TTC28: variants seen among roughly 807,000 people sequenced by gnomAD.
The protein encoded by TTC28 is tetratricopeptide repeat domain 28.
A neutral mutation model predicts 198.0 loss-of-function variants in TTC28; 61 were observed. The observed-to-expected ratio is 0.31, with a 90% CI of 0.25 to 0.38. The LOEUF is 0.38. TTC28 is among the 10% of genes least tolerant of loss of function. The probability of loss-of-function intolerance (pLI) is 1.00; values close to 1 mark genes in which losing one functional copy is unlikely to be tolerated. For missense variants in TTC28, 2,678 were observed against 3,164.0 expected (o/e 0.85, Z 3.69); for synonymous variants, 1,171 against 1,297.8 (o/e 0.90, Z 2.10).
chr22:28,144,080 T>A (rs1437287319), intron 6 of TTC28, among the ~76,000 whole-genome samples: 1 of 152,250 alleles, frequency 6.6e-6, no homozygotes, highest in African/African-American at 2.4e-5. Context: ...CACTATTTCC[T>A]GAGCCTGTAC....
intron 2 of TTC28, among the ~76,000 whole-genome samples, chr22:28,607,221 T>C (rs1987888761): frequency 1.3e-5 from 2 of 152,204 alleles, no homozygotes; most frequent in Non-Finnish European, 2.9e-5. Flanking sequence ...TAACTATTTA[T>C]TTGGGTTTTC....
intron 2 of TTC28, among the ~76,000 whole-genome samples, chr22:28,409,590 CAT>C (rs944650709): frequency 5.4e-5 from 8 of 149,342 alleles, no homozygotes; most frequent in East Asian, 1.9e-4. Context: ...ATATAAAAAA[CAT>C]ATATGGAAAC....
intron 2 of TTC28, among the ~76,000 whole-genome samples, chr22:28,595,594 A>C (rs1269821064): frequency 6.6e-6 from 1 of 152,208 alleles, no homozygotes; most frequent in Admixed American, 6.5e-5. Context: ...TGAATCATTC[A>C]GTCATTTGTT....
At chr22:28,607,532 G>A (rs1391212278) in intron 2 of TTC28, among the ~76,000 whole-genome samples, 1 of 151,872 alleles carries the variant, frequency 6.6e-6, no homozygotes, top group African/African-American at 2.4e-5. Context: ...AATTACATAA[G>A]ACAATTTTAT....
intron 12 of TTC28, among the ~76,000 whole-genome samples, chr22:28,088,995 A>G (rs1197529354): frequency 2.0e-5 from 3 of 152,200 alleles, no homozygotes; most frequent in African/African-American, 4.8e-5. Context: ...AATGGCAATC[A>G]TTAAAAAGTC....
chr22:28,157,894 T>C (rs1943784668), intron 6 of TTC28, among the ~76,000 whole-genome samples: 1 of 152,150 alleles, frequency 6.6e-6, no homozygotes, highest in Non-Finnish European at 1.5e-5. Context: ...TTATTCAACA[T>C]AGTACTGGAG....
chr22:27,990,074 C>T lies in TTC28; in HGVS notation c.5578-67G>A, dbSNP rs769117830. 506 of 1,509,240 alleles carry T rather than the reference C, an allele frequency of 3.4e-4. 4 individuals are homozygous for T. The highest frequency in any genetic ancestry group is 1.6e-3 in the South Asian group (125 of 79,800). The allele number at this position is 1,509,240 out of a possible 1,614,324, so 93.5% of individuals were successfully genotyped here. ...CCCTCCAGCCCACCTCAAGACTCGA[C>T]CCATTATTCTTATGTCACCTGTCAC... On this transcript the variant is annotated intron_variant, in intron 20 of 22. Transcript: ENST00000397906.
At chr22:28,090,042 C>T (rs889387556) in intron 12 of TTC28, among the ~76,000 whole-genome samples, 4 of 151,480 alleles carry the variant, frequency 2.6e-5, no homozygotes, top group African/African-American at 4.9e-5. Flanking sequence ...TGCAGCACAC[C>T]AACATGGCAC....
intron 12 of TTC28, among the ~76,000 whole-genome samples, chr22:28,049,982 C>T (rs114039485): frequency 0.01 from 1,574 of 152,216 alleles, 30 homozygotes; most frequent in African/African-American, 0.035. Context: ...AGTTGAGACA[C>T]ATTATTAATG....
At chr22:28,058,722 T>C (rs1940393619) in intron 12 of TTC28, among the ~76,000 whole-genome samples, 1 of 152,076 alleles carries the variant, frequency 6.6e-6, no homozygotes, top group Non-Finnish European at 1.5e-5. Context: ...ATAGAATTCA[T>C]TAGTGAAATC....
rs1341692335 is a variant in TTC28, at chr22:27,999,124, T to C, written c.4535A>G (p.Tyr1512Cys). Residue 1512 changes from tyrosine to cysteine, a missense_variant, in exon 16 of 23, where the codon TAC becomes TGC. Transcript: ENST00000397906. Reference protein sequence around the residue: ...GPMPSAEEEAYMVSELLGCQP... With the variant: ...GPMPSAEEEACMVSELLGCQP... ...GCAGCCCAGCAGCTCGGACACCATG[T>C]AGGCCTCTTCCTCGGCCGATGGCAT... The C allele has an allele frequency of 1.3e-6, 2 of 1,550,656 alleles. No homozygotes were observed. The highest frequency in any genetic ancestry group is 2.0e-5 in the Admixed American group (1 of 51,012).
At chr22:28,510,652 C>T (rs923380486) in intron 2 of TTC28, among the ~76,000 whole-genome samples, 1 of 151,942 alleles carries the variant, frequency 6.6e-6, no homozygotes. Context: ...GAAGTTCTCG[C>T]GAGGGCAATA....
chr22:28,475,558 T>C (rs1357418759), intron 2 of TTC28, among the ~76,000 whole-genome samples: 1 of 152,192 alleles, frequency 6.6e-6, no homozygotes, highest in Non-Finnish European at 1.5e-5. Flanking sequence ...GGATGCACTT[T>C]ACTGCTCTTC....
At chr22:28,031,711 G>A (rs1939083518) in intron 12 of TTC28, among the ~76,000 whole-genome samples, 2 of 152,184 alleles carry the variant, frequency 1.3e-5, no homozygotes, top group African/African-American at 2.4e-5. Context: ...ACCAACCATG[G>A]TGTGATGGCT....
chr22:28,067,287 A>T (rs1299263005), intron 12 of TTC28, among the ~76,000 whole-genome samples: 2 of 152,218 alleles, frequency 1.3e-5, no homozygotes, highest in African/African-American at 4.8e-5. Flanking sequence ...TTCTTATAGC[A>T]GGAAACATAT....
At chr22:28,351,052 G>A (rs183489136) in intron 2 of TTC28, among the ~76,000 whole-genome samples, 3 of 152,100 alleles carry the variant, frequency 2.0e-5, no homozygotes, top group Admixed American at 1.3e-4. Context: ...GTGTGGTGGC[G>A]GGCACCTGTA....
intron 1 of TTC28, among the ~76,000 whole-genome samples, chr22:28,661,334 T>C (rs1048086761): frequency 6.6e-6 from 1 of 152,178 alleles, no homozygotes; most frequent in African/African-American, 2.4e-5. Flanking sequence ...TAATCCCTTC[T>C]TCATTATTTA....
At chr22:28,091,061 G>A (rs536024303) in intron 12 of TTC28, among the ~76,000 whole-genome samples, 2 of 152,316 alleles carry the variant, frequency 1.3e-5, no homozygotes, top group East Asian at 3.9e-4. Context: ...TCTCTGTATA[G>A]AGCAGAGGGG....
At chr22:28,526,754 TTTTTA>T (rs564981800) in intron 2 of TTC28, among the ~76,000 whole-genome samples, 2 of 152,194 alleles carry the variant, frequency 1.3e-5, no homozygotes, top group Admixed American at 6.5e-5. Context: ...TTTGTTTGTT[TTTTTA>T]TTTTAATTTT....
Sources: allele counts gnomAD v4.1 joint callset (sites outside exome capture counted in the v4.1 genomes callset), GRCh38; gene constraint gnomAD v4.1.1; transcripts MANE v1.5; gene names NCBI Gene and HGNC (gene_info 2026-07-23, HGNC 2026-07-21).